Variants in NAV2 observed in about 807,000 individuals in gnomAD.
The protein encoded by NAV2 is helicase, APC down-regulated 1.
A neutral mutation model predicts 223.2 loss-of-function variants in NAV2; 54 were observed. The observed-to-expected ratio is 0.24, with a 90% confidence interval of 0.19 to 0.30. NAV2 has a LOEUF of 0.30. Among genes scored for constraint, NAV2 ranks in the 10% least tolerant of loss-of-function variants. The pLI, the probability that NAV2 is intolerant of heterozygous loss-of-function variation, is 1.00. For synonymous variants in NAV2, 1,279 were observed against 1,239.3 expected (o/e 1.03, Z -0.67); for missense variants, 2,806 against 3,147.5 (o/e 0.89, Z 2.60).
intron 1 of NAV2, among the ~76,000 whole-genome samples, chr11:19,424,656 C>T (rs1202425530): frequency 6.6e-6 from 1 of 152,156 alleles, no homozygotes; most frequent in Non-Finnish European, 1.5e-5. Context: ...TCAAGTGATT[C>T]TCCTGCCTCA....
intron 1 of NAV2, among the ~76,000 whole-genome samples, chr11:19,551,639 A>G (rs547931634): frequency 1.3e-5 from 2 of 152,358 alleles, no homozygotes; most frequent in South Asian, 2.1e-4. Flanking sequence ...TAGCTTAAGC[A>G]GATGTCTTGT....
chr11:19,561,075 G>T (rs185115980), intron 1 of NAV2, among the ~76,000 whole-genome samples: 79 of 152,268 alleles, frequency 5.2e-4, no homozygotes, highest in Non-Finnish European at 9.8e-4. Context: ...AATACACCTG[G>T]CAAATTCTGG....
At chr11:19,716,169 T>G (rs2050291533) in intron 1 of NAV2, among the ~76,000 whole-genome samples, 1 of 152,200 alleles carries the variant, frequency 6.6e-6, no homozygotes, top group South Asian at 2.1e-4. Context: ...CAGGAAACAA[T>G]GAATTAAATG....
chr11:19,933,420 G>T lies in NAV2; in HGVS notation c.1176G>T (p.Lys392Asn). ...EAPRPTPEAM[K>N]PAPNNQKSML... ...CCAGGCCCACACCTGAAGCCATGAA[G>T]CCGGCCCCCAACAATCAGAAGTCCA... Residue 392 changes from lysine (K) to asparagine (N), a missense_variant, in exon 7 of 38, where the codon AAG (lysine) becomes AAT (asparagine). Lys to Asn is a moderately conservative substitution (Grantham distance 94). This residue lies in a region of NAV2 where 1,167 missense variants were observed against 1,180.5 expected (regional missense o/e 0.99). Coordinates refer to ENST00000349880, the MANE Select transcript of NAV2 (RefSeq NM_145117.5). The surrounding 1 kb of genome is among the most constrained non-coding windows in gnomAD (Gnocchi z 4.3). The T allele has an allele frequency of 1.3e-6, 2 of 1,583,406 alleles. No homozygotes were observed. Among genetic ancestry groups the T allele is most frequent in the Non-Finnish European group, 1.7e-6 (2 of 1,165,292 alleles).
At chr11:19,529,014 A>T (rs1751435694) in intron 1 of NAV2, among the ~76,000 whole-genome samples, 1 of 152,084 alleles carries the variant, frequency 6.6e-6, no homozygotes, top group Non-Finnish European at 1.5e-5. Context: ...AAAAGTGAAC[A>T]TCCAGCACCA....
At chr11:19,620,292 T>C (rs1377390818) in intron 1 of NAV2, among the ~76,000 whole-genome samples, 1 of 152,206 alleles carries the variant, frequency 6.6e-6, no homozygotes, top group Non-Finnish European at 1.5e-5. Context: ...TCCAATTCTG[T>C]GAAAAAAGTC....
chr11:19,569,285 C>T (rs1235900124), intron 1 of NAV2, among the ~76,000 whole-genome samples: 2 of 152,168 alleles, frequency 1.3e-5, no homozygotes, highest in Non-Finnish European at 2.9e-5. Flanking sequence ...TAATGTCTTA[C>T]TCATTTTGCA....
At chr11:20,006,491 A>T (rs997850671) in intron 11 of NAV2, among the ~76,000 whole-genome samples, 1 of 152,134 alleles carries the variant, frequency 6.6e-6, no homozygotes, top group Non-Finnish European at 1.5e-5. Context: ...CCTGACCAAC[A>T]TGGTGAAACC....
At chr11:19,348,292 C>T (rs1853110490), upstream of NAV2, among the ~76,000 whole-genome samples, 1 of 152,176 alleles carries the variant, frequency 6.6e-6, no homozygotes, top group East Asian at 1.9e-4. Context: ...TGGAGAAGGC[C>T]TTCCAAGCAG....
chr11:19,602,303 G>A (rs759249376), intron 1 of NAV2, among the ~76,000 whole-genome samples: 27 of 149,062 alleles, frequency 1.8e-4, no homozygotes, highest in South Asian at 1.3e-3. Flanking sequence ...TCAGCCTCCC[G>A]AGTAGCTGAG....
At chr11:19,787,089 AT>A (rs1194099653) in intron 1 of NAV2, among the ~76,000 whole-genome samples, 1 of 151,804 alleles carries the variant, frequency 6.6e-6, no homozygotes, top group Non-Finnish European at 1.5e-5. Flanking sequence ...AGATTGCTGC[AT>A]TTTTATTTTA....
At chr11:19,366,129 T>C (rs1321584972) in intron 1 of NAV2, among the ~76,000 whole-genome samples, 1 of 152,172 alleles carries the variant, frequency 6.6e-6, no homozygotes, top group Non-Finnish European at 1.5e-5. Context: ...CCCCTTCCCC[T>C]GGAGGGGTGA....
At chr11:19,626,826 G>A (rs1003428001) in intron 1 of NAV2, among the ~76,000 whole-genome samples, 2 of 151,976 alleles carry the variant, frequency 1.3e-5, no homozygotes, top group Non-Finnish European at 2.9e-5. Flanking sequence ...TTCAAATTCT[G>A]GTTCCAACTT....
At chr11:19,589,068 C>T (rs969217809) in intron 1 of NAV2, among the ~76,000 whole-genome samples, 34 of 152,312 alleles carry the variant, frequency 2.2e-4, no homozygotes, top group Admixed American at 6.5e-4. Flanking sequence ...CTCCTCTGTG[C>T]TGGTTCCTGG....
rs75207773 is a variant in NAV2 at position 19,674,851 on chromosome 11, T to A, written c.76-157633T>A. Among the ~76,000 whole-genome samples the A allele has an allele frequency of 8.4e-3, 1,280 of 152,322 alleles. 35 individuals are homozygous for A. The highest frequency in any genetic ancestry group is 0.082 in the East Asian group (424 of 5,186). On this transcript the variant is annotated intron_variant, in intron 1 of 37. Transcript: ENST00000360655. ...GCTATTAGGAGGGCAAAGGGCCACC[T>A]CCCTGGGTTCAAATCTAACACAGAA... is the stretch of plus-strand genomic sequence containing the variant.
intron 1 of NAV2, among the ~76,000 whole-genome samples, chr11:19,777,006 G>C (rs1336293229): frequency 6.6e-6 from 1 of 151,920 alleles, no homozygotes; most frequent in Admixed American, 6.5e-5. Flanking sequence ...CCCACCGGCG[G>C]CAGTGGCGAA....
chr11:19,622,176 C>T (rs1284926356), intron 1 of NAV2, among the ~76,000 whole-genome samples: 1 of 152,150 alleles, frequency 6.6e-6, no homozygotes, highest in South Asian at 2.1e-4. Flanking sequence ...TTACTTCCAA[C>T]TACGTGGTCA....
chr11:19,640,200 C>T (rs2135554101), intron 1 of NAV2, among the ~76,000 whole-genome samples: 1 of 152,234 alleles, frequency 6.6e-6, no homozygotes, highest in South Asian at 2.1e-4. Flanking sequence ...ATGGCATTTT[C>T]CAAGCAGAGC....
chr11:19,607,643 C>T (rs1590665683), intron 1 of NAV2, among the ~76,000 whole-genome samples: 2 of 152,162 alleles, frequency 1.3e-5, no homozygotes, highest in African/African-American at 4.8e-5. Flanking sequence ...CCTTGTCAGT[C>T]TTGGAGTCTC....
Sources: gnomAD v4.1 joint callset for allele counts (sites outside exome capture counted in the v4.1 genomes callset) on GRCh38, gnomAD v4.1.1 for gene constraint, gnomAD v4.1.1 regional missense constraint, Gnocchi (gnomAD v3.1) non-coding constraint, MANE v1.5 for transcripts, NCBI Gene and HGNC (gene_info 2026-07-23, HGNC 2026-07-21) for gene names.